GAL3ST2: variants seen among roughly 807,000 people sequenced by gnomAD.
GAL3ST2 encodes the protein galactose-3-O-sulfotransferase 2.
Under a neutral mutation model 12.9 loss-of-function variants are expected in GAL3ST2, and 16 were observed. The observed-to-expected ratio is 1.24, with a 90% CI of 0.84 to 1.88. GAL3ST2 has a LOEUF of 1.88. Among genes scored for constraint, GAL3ST2 ranks in the 40% most tolerant of loss-of-function variants. The pLI, the probability that GAL3ST2 is intolerant of heterozygous loss-of-function variation, is 0.00. For synonymous variants in GAL3ST2, 302 were observed against 273.9 expected (o/e 1.10, Z -1.01); for missense variants, 639 against 571.8 (o/e 1.12, Z -1.20).
chr2:241,782,707 T>C (rs988475774), intron 1 of GAL3ST2, among the ~76,000 whole-genome samples: 4 of 152,188 alleles, frequency 2.6e-5, no homozygotes, highest in Admixed American at 2.0e-4. Flanking sequence ...TACTGGGGCT[T>C]TAATTGCTGT....
At chr2:241,792,695 T>C (rs978158544) in intron 1 of GAL3ST2, among the ~76,000 whole-genome samples, 1 of 152,108 alleles carries the variant, frequency 6.6e-6, no homozygotes, top group East Asian at 1.9e-4. Flanking sequence ...CAGAGACTCA[T>C]TTTCTTCTAA....
In GAL3ST2 at chr2:241,803,787, G is replaced by A. The variant is rs1472253054; in HGVS notation, c.818G>A (p.Arg273Gln). The change falls in exon 4 of 4, where the codon CGG becomes CAG. Residue 273 changes from arginine (R) to glutamine (Q), a missense_variant. Coordinates refer to ENST00000192314, the MANE Select transcript of GAL3ST2 (RefSeq NM_022134.3). ...TCGCCCGAGACCCGGGAGCGCGCGCGGAGCTGGTGCGCGCTGGACTGGCGC... is the reference window on the plus strand; with the variant it reads ...TCGCCCGAGACCCGGGAGCGCGCGCAGAGCTGGTGCGCGCTGGACTGGCGC... ...RLSPETRERA[R>Q]SWCALDWRLY... is the part of the protein sequence containing the mutation. 2.0e-6 allele frequency: 3 copies of A among 1,503,184 alleles called. No homozygotes were observed. Among genetic ancestry groups the A allele is most frequent in the South Asian group, 1.3e-5 (1 of 79,322 alleles). 93.1% of individuals were successfully genotyped at this position (1,503,184 alleles called of 1,614,324 possible). A position where few individuals can be genotyped will look rare whatever the true frequency, so the allele number is the denominator to read the frequency against.
intron 3 of GAL3ST2, 25 bp from the exon 4 acceptor site, chr2:241,803,320 A>T: frequency 6.4e-7 from 1 of 1,553,812 alleles, no homozygotes; most frequent in Non-Finnish European, 8.7e-7. Context: ...CGCGGTCCGC[A>T]GCCCGCCTCT....
chr2:241,796,495 T>TGCTGTCA (rs538642673), intron 1 of GAL3ST2, among the ~76,000 whole-genome samples: 2 of 152,066 alleles, frequency 1.3e-5, no homozygotes, highest in African/African-American at 4.8e-5. Context: ...ATCAGGGCTC[T>TGCTGTCA]GCTCAGTCAT....
At position 241,801,785 on chromosome 2, in the gene GAL3ST2, T is replaced by G; in HGVS notation, c.124T>G (p.Phe42Val). The G allele has an allele frequency of 6.2e-7, 1 of 1,612,318 alleles. No individual in the cohort carries two copies. Among genetic ancestry groups the G allele is most frequent in the Non-Finnish European group, 8.5e-7 (1 of 1,179,774 alleles). The stretch of plus-strand genomic sequence containing the variant: ...TGCGTGTGCCTTCCCTCCCAGCCTG[T>G]TTGGGGGCCAGGCTGAGGGGCCGCC... ...HSDLELDTPL[F>V]GGQAEGPPVT... The change falls in exon 3 of 4, where the codon TTT becomes GTT. Residue 42 changes from phenylalanine (F) to valine (V), a missense_variant. Phe to Val is a conservative substitution (Grantham distance 50, BLOSUM62 -1). Transcript: ENST00000192314. This position sits in a 1 kb window ranked among gnomAD's most constrained non-coding sequence, Gnocchi z 4.4.
At chr2:241,778,414 A>G (rs1209875434) in intron 1 of GAL3ST2, among the ~76,000 whole-genome samples, 1 of 152,266 alleles carries the variant, frequency 6.6e-6, no homozygotes, top group Non-Finnish European at 1.5e-5. Flanking sequence ...GCCGCCGGGC[A>G]AAGTGCTCAC....
chr2:241,794,548 C>T (rs1699747637), intron 1 of GAL3ST2, among the ~76,000 whole-genome samples: 1 of 152,216 alleles, frequency 6.6e-6, no homozygotes, highest in African/African-American at 2.4e-5. Flanking sequence ...AACCATCAGC[C>T]CCACCAACCT....
intron 1 of GAL3ST2, among the ~76,000 whole-genome samples, chr2:241,794,725 C>T (rs1699749878): frequency 6.6e-6 from 1 of 152,178 alleles, no homozygotes. Flanking sequence ...CCGCAGTCCC[C>T]ACGGTTGTGA....
intron 2 of GAL3ST2, 39 bp downstream of exon 2, chr2:241,799,193 C>T (rs780762079): frequency 5.8e-6 from 9 of 1,545,886 alleles, no homozygotes; most frequent in Non-Finnish European, 8.0e-6. Flanking sequence ...CCCCGGGTAC[C>T]TCCTAACAGC....
At position 241,801,633 on chromosome 2, in the gene GAL3ST2, G is replaced by A. The variant is rs1169805394; in HGVS notation, c.120-148G>A. The A allele has an allele frequency of 2.0e-6, 2 of 1,016,932 alleles. No individual in the cohort carries two copies. Among genetic ancestry groups the A allele is most frequent in the Non-Finnish European group, 2.8e-6 (2 of 713,406 alleles). 63.0% of individuals were successfully genotyped at this position (1,016,932 alleles called of 1,614,324 possible). A position where few individuals can be genotyped will look rare whatever the true frequency, so the allele number is the denominator to read the frequency against. On this transcript the variant is annotated intron_variant, in intron 2 of 3. Coordinates refer to ENST00000192314, the MANE Select transcript of GAL3ST2 (RefSeq NM_022134.3). This position sits in a 1 kb window ranked among gnomAD's most constrained non-coding sequence, Gnocchi z 4.4. ...GGGGCAAGGATTGGGGCCATGGGTC[G>A]GTGCCTACCCAGTTGGCCCCCTGGC...
chr2:241,801,867 A>G lies in GAL3ST2; in HGVS notation c.206A>G (p.Asn69Ser), dbSNP rs1344810737. 1.2e-6 allele frequency: 2 copies of G among 1,612,880 alleles called. No homozygotes were observed. The change falls in exon 3 of 4, where the codon AAC (asparagine) becomes AGC (serine). Residue 69 changes from asparagine (N) to serine (S), a missense_variant. Physicochemically the swap from Asn to Ser is conservative, Grantham distance 46. Coordinates refer to ENST00000192314, the MANE Select transcript of GAL3ST2 (RefSeq NM_022134.3). This position sits in a 1 kb window ranked among gnomAD's most constrained non-coding sequence, Gnocchi z 4.4. Reference sequence around the variant, plus strand: ...AAGACGGCCAGCAGCACGGTGCTCAACATCCTCTACCGCTTCGCCGAGACC... The same window carrying G: ...AAGACGGCCAGCAGCACGGTGCTCAGCATCCTCTACCGCTTCGCCGAGACC... ...THKTASSTVL[N>S]ILYRFAETHN...
chr2:241,777,021 C>G, intron 1 of GAL3ST2, 37 bp downstream of exon 1: 1 of 1,456,304 alleles, frequency 6.9e-7, no homozygotes, highest in Non-Finnish European at 9.2e-7. Context: ...GTGGACAAAG[C>G]GCTTCATCTG....
intron 1 of GAL3ST2, among the ~76,000 whole-genome samples, chr2:241,784,255 G>A (rs930943863): frequency 2.0e-5 from 3 of 152,016 alleles, no homozygotes; most frequent in Non-Finnish European, 2.9e-5. Flanking sequence ...GGATGGTCTC[G>A]ATCTCCTAAC....
Position 241,796,835 on chromosome 2 carries a change from C to T in GAL3ST2, c.30-2230C>T, listed in dbSNP as rs574667295. On this transcript the variant is annotated intron_variant, in intron 1 of 3. Transcript: ENST00000192314. ...CTGAGCTGGCCCCACGTGGGGTCAG[C>T]TAGTGGCTGGGTGGGGCAGGCACTT... Among the ~76,000 whole-genome samples the T allele has an allele frequency of 9.2e-5, 14 of 152,204 alleles. No homozygotes were observed. The South Asian group carries it at 2.9e-3, about 32-fold the overall frequency.
At chr2:241,787,034 A>G (rs1327302902) in intron 1 of GAL3ST2, among the ~76,000 whole-genome samples, 1 of 152,294 alleles carries the variant, frequency 6.6e-6, no homozygotes, top group Non-Finnish European at 1.5e-5. Context: ...AGAGAGGGTA[A>G]TCAGAAACTC....
Position 241,801,805 on chromosome 2 carries a change from G to A in GAL3ST2, c.144G>A (p.Gly48=), listed in dbSNP as rs1699852423. 2.5e-6 allele frequency: 4 copies of A among 1,612,690 alleles called. No homozygotes were observed. The highest frequency in any genetic ancestry group is 1.7e-6 in the Non-Finnish European group (2 of 1,179,912). The change falls in exon 3 of 4, where the codon GGG becomes GGA. Residue 48 remains glycine, a synonymous_variant. Coordinates refer to ENST00000192314, the MANE Select transcript of GAL3ST2 (RefSeq NM_022134.3). The surrounding 1 kb of genome is among the most constrained non-coding windows in gnomAD (Gnocchi z 4.4). ...DTPLFGGQAE[G]PPVTNIMFLK... is the part of the protein sequence containing the mutation. ...GCCTGTTTGGGGGCCAGGCTGAGGGGCCGCCGGTCACCAACATCATGTTCC... is the reference window on the plus strand; with the variant it reads ...GCCTGTTTGGGGGCCAGGCTGAGGGACCGCCGGTCACCAACATCATGTTCC...
At chr2:241,782,293 T>C (rs1699575362) in intron 1 of GAL3ST2, among the ~76,000 whole-genome samples, 1 of 152,010 alleles carries the variant, frequency 6.6e-6, no homozygotes, top group South Asian at 2.1e-4. Flanking sequence ...CCTTGTGGAG[T>C]TAGATAGCTT....
In GAL3ST2 at chr2:241,802,786, G is replaced by A. The variant is rs543507541; in HGVS notation, c.376-559G>A. Among the ~76,000 whole-genome samples the A allele has an allele frequency of 6.6e-6, 1 of 152,238 alleles. No homozygotes were observed. The highest frequency in any genetic ancestry group is 2.1e-4 in the South Asian group (1 of 4,824). ...TTTCTGCAAGACTTTACTTTCTGTG[G>A]GTGGGGTATATCCTCCAGGACCTCT... On this transcript the variant is annotated intron_variant, in intron 3 of 3. Transcript: ENST00000192314. This position sits in a 1 kb window ranked among gnomAD's most constrained non-coding sequence, Gnocchi z 4.8.
intron 1 of GAL3ST2, among the ~76,000 whole-genome samples, chr2:241,796,613 C>T (rs1699774695): frequency 6.6e-6 from 1 of 152,294 alleles, no homozygotes; most frequent in South Asian, 2.1e-4. Flanking sequence ...CCTGCTACAC[C>T]CATGTCCCCA....
Sources: gnomAD v4.1 joint callset for allele counts (sites outside exome capture counted in the v4.1 genomes callset) on GRCh38, gnomAD v4.1.1 for gene constraint, Gnocchi (gnomAD v3.1) non-coding constraint, MANE v1.5 for transcripts, NCBI Gene and HGNC (gene_info 2026-07-23, HGNC 2026-07-21) for gene names.